Variants in TTC39C observed in about 807,000 individuals in gnomAD.
The protein encoded by TTC39C is tetratricopeptide repeat protein 39C.
A neutral mutation model predicts 76.3 loss-of-function variants in TTC39C; 33 were observed. The ratio of observed to expected loss-of-function variants is 0.43; its 90% CI spans 0.33 to 0.58. The LOEUF (loss-of-function observed/expected upper bound fraction) is 0.58. Among genes scored for constraint, TTC39C ranks in the 20% least tolerant of loss-of-function variants. The pLI is 0.04. For synonymous variants in TTC39C, 254 were observed against 260.6 expected, an observed-to-expected ratio of 0.97 and a Z score of 0.24; for missense variants, 595 against 701.4, an observed-to-expected ratio of 0.85 and a Z score of 1.71.
intron 1 of TTC39C, among the ~76,000 whole-genome samples, chr18:24,029,592 T>G (rs573855071): frequency 1.3e-5 from 2 of 152,352 alleles, no homozygotes; most frequent in East Asian, 3.9e-4. Context: ...CCTGAGATTT[T>G]GGTGTACCTA....
chr18:24,119,704 T>G (rs2084940704), intron 8 of TTC39C, among the ~76,000 whole-genome samples: 1 of 152,192 alleles, frequency 6.6e-6, no homozygotes, highest in Non-Finnish European at 1.5e-5. Context: ...GTCTCACACT[T>G]AAAGGATTGT....
At position 24,121,485 on chromosome 18, in the gene TTC39C, A is replaced by G. The variant is rs185125163; in HGVS notation, c.1187-2349A>G. On this transcript the variant is annotated intron_variant, in intron 8 of 13. Coordinates refer to ENST00000317571, the MANE Select transcript of TTC39C (RefSeq NM_001135993.2). The stretch of plus-strand genomic sequence containing the variant: ...TCCCAGCTACTCGGGAGACTGAGGC[A>G]GAAGAATTGCTTGAACCCAGGAGGC... Among the ~76,000 whole-genome samples, 33 of 152,326 alleles carry G rather than the reference A, an allele frequency of 2.2e-4. 1 individual carries two copies. In the East Asian group the frequency reaches 5.4e-3, roughly 25 times the overall value.
intron 1 of TTC39C, among the ~76,000 whole-genome samples, chr18:24,037,737 A>G (rs939622909): frequency 6.6e-6 from 1 of 152,228 alleles, no homozygotes; most frequent in Non-Finnish European, 1.5e-5. Flanking sequence ...TGGAAATGCA[A>G]AATTCAGTAC....
At chr18:24,085,805 GGGCCA>G (rs1190787661) in intron 6 of TTC39C, among the ~76,000 whole-genome samples, 1 of 152,204 alleles carries the variant, frequency 6.6e-6, no homozygotes. Context: ...TGTAGCTTTA[GGGCCA>G]GACAAAATAT....
intron 1 of TTC39C, among the ~76,000 whole-genome samples, chr18:23,998,873 CT>C (rs2083290430): frequency 6.6e-6 from 1 of 152,058 alleles, no homozygotes; most frequent in South Asian, 2.1e-4. Flanking sequence ...TCCTTTTATC[CT>C]GCTGCTCGGG....
chr18:24,081,904 T>A (rs913634073), intron 5 of TTC39C, among the ~76,000 whole-genome samples: 6 of 152,136 alleles, frequency 3.9e-5, no homozygotes, highest in African/African-American at 1.2e-4. Flanking sequence ...ATAGAATTAA[T>A]AGTGTCATTA....
intron 6 of TTC39C, among the ~76,000 whole-genome samples, chr18:24,091,498 A>G (rs2084515936): frequency 6.6e-6 from 1 of 152,224 alleles, no homozygotes; most frequent in Non-Finnish European, 1.5e-5. Flanking sequence ...TATACTATAC[A>G]AGAAAATTAA....
At chr18:24,068,401 G>A (rs183844861) in intron 3 of TTC39C, among the ~76,000 whole-genome samples, 78 of 152,280 alleles carry the variant, frequency 5.1e-4, no homozygotes, top group African/African-American at 1.9e-3. Context: ...TGTGTATACT[G>A]TTGACATATT....
At position 24,080,796 on chromosome 18, in the gene TTC39C, C is replaced by A. The variant is rs2084366454; in HGVS notation, c.672C>A (p.Gly224=). The A allele has an allele frequency of 6.2e-7, 1 of 1,613,932 alleles. No homozygotes were observed. Among genetic ancestry groups the A allele is most frequent in the African/African-American group, 1.3e-5 (1 of 74,868 alleles). The change falls in exon 5 of 14, where the codon GGC becomes GGA. Residue 224 remains glycine, a synonymous_variant. Coordinates refer to ENST00000317571, the MANE Select transcript of TTC39C (RefSeq NM_001135993.2). ...RLKGAVSFGY[G]LFHLCISMVP... ...AAGGTGCTGTTAGCTTTGGATATGG[C>A]CTTTTTCACCTTTGCATATCCATGG...
intron 1 of TTC39C, among the ~76,000 whole-genome samples, chr18:24,045,291 G>A (rs996659436): frequency 3.2e-5 from 4 of 125,278 alleles, no homozygotes; most frequent in Non-Finnish European, 6.5e-5. Context: ...AAAGCATGTA[G>A]CGTGTCCAAC....
chr18:24,012,502 A>G (rs1424576109), upstream of TTC39C, among the ~76,000 whole-genome samples: 1 of 152,202 alleles, frequency 6.6e-6, no homozygotes, highest in Non-Finnish European at 1.5e-5. Context: ...GGCCTCAAGT[A>G]TAACTCATAA....
chr18:24,019,645 G>A (rs2083495367), intron 1 of TTC39C, among the ~76,000 whole-genome samples: 1 of 152,230 alleles, frequency 6.6e-6, no homozygotes, highest in Admixed American at 6.5e-5. Flanking sequence ...TTACCATACA[G>A]ATGGTTCCAT....
chr18:24,096,118 A>G (rs1162981021), intron 6 of TTC39C, among the ~76,000 whole-genome samples: 1 of 152,250 alleles, frequency 6.6e-6, no homozygotes, highest in Non-Finnish European at 1.5e-5. Flanking sequence ...AGCAGTCATG[A>G]AAAATTTGAA....
intron 12 of TTC39C, among the ~76,000 whole-genome samples, chr18:24,131,616 G>C (rs1262627147): frequency 6.6e-6 from 1 of 150,772 alleles, no homozygotes; most frequent in Middle Eastern, 3.4e-3. Flanking sequence ...TAAGGCAGGA[G>C]AATTGCTTGA....
At chr18:24,124,052 C>T (rs2085013806) in intron 9 of TTC39C, 109 bp downstream of exon 9, 1 of 724,734 alleles carries the variant, frequency 1.4e-6, no homozygotes, top group African/African-American at 1.8e-5. Context: ...ATTTACTTGC[C>T]ACATAAAGTG....
At chr18:24,056,941 C>T (rs558676287) in intron 1 of TTC39C, among the ~76,000 whole-genome samples, 21 of 152,142 alleles carry the variant, frequency 1.4e-4, no homozygotes, top group Admixed American at 2.6e-4. Flanking sequence ...CCTCAGCCTC[C>T]GGAAGTGCTA....
chr18:24,108,087 A>G (rs1034275838), intron 6 of TTC39C, among the ~76,000 whole-genome samples: 3 of 152,246 alleles, frequency 2.0e-5, no homozygotes, highest in African/African-American at 7.2e-5. Flanking sequence ...TCAAAGGCAA[A>G]TGCACATCAA....
chr18:24,037,133 C>G (rs1327126843), intron 1 of TTC39C, among the ~76,000 whole-genome samples: 9 of 152,032 alleles, frequency 5.9e-5, no homozygotes, highest in Non-Finnish European at 1.0e-4. Flanking sequence ...AGCTTTTGGT[C>G]TTTTACTATT....
At chr18:24,016,586 G>T in intron 1 of TTC39C, 1 of 397,914 alleles carries the variant, frequency 2.5e-6, no homozygotes, top group Non-Finnish European at 4.4e-6. Flanking sequence ...CCCTTCTTTA[G>T]TAGGCGAAAA....
Sources: gnomAD v4.1 joint callset for allele counts (sites outside exome capture counted in the v4.1 genomes callset) on GRCh38, gnomAD v4.1.1 for gene constraint, MANE v1.5 for transcripts, NCBI Gene and HGNC (gene_info 2026-07-23, HGNC 2026-07-21) for gene names.